The following MOXD1 variants were observed in gnomAD, a reference collection of about 807,000 sequenced individuals.
MOXD1 encodes the protein DBH-like monooxygenase protein 1.
Under a neutral mutation model 66.6 loss-of-function variants are expected in MOXD1, and 62 were observed. That is an observed-to-expected ratio of 0.93 (90% CI 0.76 to 1.15). MOXD1 has a LOEUF of 1.15. MOXD1 is among the 50% of genes most tolerant of loss of function. The probability of loss-of-function intolerance (pLI) is 0.00; values close to 1 mark genes in which losing one functional copy is unlikely to be tolerated. For synonymous variants in MOXD1, 303 were observed against 281.9 expected (o/e 1.07, Z -0.75); for missense variants, 847 against 754.6 (o/e 1.12, Z -1.44).
chr6:132,317,099 T>A (rs1003390455), intron 9 of MOXD1, among the ~76,000 whole-genome samples: 14 of 152,090 alleles, frequency 9.2e-5, no homozygotes, highest in Admixed American at 2.0e-4. Flanking sequence ...CATTTCATCA[T>A]AAATGATGGA....
At chr6:132,368,451 T>A (rs924825505) in intron 4 of MOXD1, among the ~76,000 whole-genome samples, 1 of 152,036 alleles carries the variant, frequency 6.6e-6, no homozygotes, top group Non-Finnish European at 1.5e-5. Context: ...TGTCATCTGA[T>A]AATACCCACA....
chr6:132,343,968 T>G (rs1279283771), intron 4 of MOXD1, among the ~76,000 whole-genome samples: 1 of 152,100 alleles, frequency 6.6e-6, no homozygotes, highest in Non-Finnish European at 1.5e-5. Flanking sequence ...CATATATACA[T>G]ATAAGATATA....
intron 10 of MOXD1, among the ~76,000 whole-genome samples, chr6:132,306,094 T>C (rs577210817): frequency 1.3e-5 from 2 of 152,180 alleles, no homozygotes; most frequent in South Asian, 4.1e-4. Context: ...TCTAACCCAA[T>C]GCAAAGAAGC....
intron 2 of MOXD1, among the ~76,000 whole-genome samples, chr6:132,374,176 A>G (rs1254341514): frequency 6.6e-6 from 1 of 152,226 alleles, no homozygotes; most frequent in African/African-American, 2.4e-5. Context: ...TTAATATACC[A>G]ATAGGCAATT....
chr6:132,397,636 CAGAA>C (rs71759740), intron 1 of MOXD1, among the ~76,000 whole-genome samples: 26,471 of 121,790 alleles, frequency 0.22, 2,593 homozygotes, highest in Middle Eastern at 0.25. Flanking sequence ...GAGAGAGAGA[CAGAA>C]AGAAAGAAAG....
At chr6:132,353,124 T>C (rs1775837148) in intron 4 of MOXD1, among the ~76,000 whole-genome samples, 1 of 152,248 alleles carries the variant, frequency 6.6e-6, no homozygotes, top group Admixed American at 6.5e-5. Flanking sequence ...GTGGAGCACT[T>C]AGGCGATTTA....
intron 10 of MOXD1, among the ~76,000 whole-genome samples, chr6:132,310,130 T>C (rs1005911817): frequency 6.6e-6 from 1 of 152,048 alleles, no homozygotes; most frequent in Non-Finnish European, 1.5e-5. Context: ...ATCCAGAACT[T>C]ACAAGGAACT....
intron 4 of MOXD1, among the ~76,000 whole-genome samples, chr6:132,350,913 AG>A (rs759411201): frequency 2.0e-5 from 3 of 151,960 alleles, no homozygotes; most frequent in Non-Finnish European, 4.4e-5. Flanking sequence ...CTATTGTAAA[AG>A]GGGTTGAATT....
At chr6:132,398,846 C>T (rs144944626) in intron 1 of MOXD1, among the ~76,000 whole-genome samples, 4,066 of 145,368 alleles carry the variant, frequency 0.028, 73 homozygotes, top group Middle Eastern at 0.054. Flanking sequence ...GGCTGAGGCA[C>T]GAGAATCACT....
intron 4 of MOXD1, among the ~76,000 whole-genome samples, chr6:132,351,352 G>C (rs367964272): frequency 1.1e-4 from 17 of 152,182 alleles, no homozygotes; most frequent in South Asian, 6.2e-4. Flanking sequence ...AATCGTAAAG[G>C]GATGCCAGAT....
intron 4 of MOXD1, among the ~76,000 whole-genome samples, chr6:132,342,546 G>T (rs1013497140): frequency 1.3e-5 from 2 of 152,232 alleles, no homozygotes; most frequent in African/African-American, 2.4e-5. Flanking sequence ...TGTTATTTGT[G>T]TATGAGTGTC....
chr6:132,393,883 CAGGACTG>C (rs1180664283), intron 1 of MOXD1, among the ~76,000 whole-genome samples: 2 of 152,244 alleles, frequency 1.3e-5, no homozygotes, highest in Admixed American at 6.5e-5. Flanking sequence ...GTGCCATCTG[CAGGACTG>C]AGGACCAGCT....
At position 132,296,502 on chromosome 6, in the gene MOXD1, AGTACTAAACAGGGAAG is replaced by A. The variant is rs1272216163; in HGVS notation, c.*635_*650del. The A allele has an allele frequency of 2.0e-5, 3 of 152,230 alleles. No homozygotes were observed. Among genetic ancestry groups the A allele is most frequent in the Non-Finnish European group, 4.4e-5 (3 of 68,072 alleles). The allele number at this position is 152,230 out of a possible 1,614,324, so 9.4% of individuals were successfully genotyped here. On this transcript the variant is annotated 3_prime_UTR_variant, in exon 12 of 12. Coordinates refer to ENST00000367963, the MANE Select transcript of MOXD1 (RefSeq NM_015529.4). ...AGCTCTAGAAAAAACTCATCTGGCCAGTACTAAACAGGGAAGGTGAAAAAAAGTACTTTAAGATGGG... is the reference window on the plus strand; with the variant it reads ...AGCTCTAGAAAAAACTCATCTGGCCAGTGAAAAAAAGTACTTTAAGATGGG...
chr6:132,370,476 T>A (rs1776243036), intron 4 of MOXD1, among the ~76,000 whole-genome samples: 1 of 152,060 alleles, frequency 6.6e-6, no homozygotes, highest in African/African-American at 2.4e-5. Context: ...TTTAGTTAAT[T>A]TTCAAGGAAA....
At chr6:132,399,627 A>T (rs1776975400) in intron 1 of MOXD1, among the ~76,000 whole-genome samples, 1 of 152,070 alleles carries the variant, frequency 6.6e-6, no homozygotes, top group South Asian at 2.1e-4. Flanking sequence ...TAGAAATGCT[A>T]CTCTTTGAGG....
chr6:132,308,577 C>T lies in MOXD1; in HGVS notation c.1508+7058G>A, dbSNP rs888949759. ...GAAGAGACACAACAAAAAAAGAAAA[C>T]TTCAGGCCAATATTCCTTATGAACA... On this transcript the variant is annotated intron_variant, in intron 10 of 11. Coordinates refer to ENST00000367963, the MANE Select transcript of MOXD1 (RefSeq NM_015529.4). 3.3e-5 allele frequency among the ~76,000 whole-genome samples: 5 copies of T among 152,074 alleles called. No individual in the cohort carries two copies. In the South Asian group the frequency reaches 1.0e-3, roughly 32 times the overall value.
At chr6:132,357,771 G>A (rs1300290755) in intron 4 of MOXD1, among the ~76,000 whole-genome samples, 1 of 151,830 alleles carries the variant, frequency 6.6e-6, no homozygotes, top group Non-Finnish European at 1.5e-5. Context: ...TGTATTTTTT[G>A]CTTTGAAATT....
intron 4 of MOXD1, among the ~76,000 whole-genome samples, chr6:132,359,244 C>A (rs1479474485): frequency 2.0e-5 from 3 of 151,864 alleles, no homozygotes; most frequent in Non-Finnish European, 2.9e-5. Flanking sequence ...TTCGGCCTCC[C>A]AACTAGCTGG....
chr6:132,319,350 AT>A (rs1464289131), intron 9 of MOXD1, among the ~76,000 whole-genome samples: 1 of 151,754 alleles, frequency 6.6e-6, no homozygotes, highest in Non-Finnish European at 1.5e-5. Context: ...GAATAGAAGT[AT>A]TTTCTTTATT....
Sources: gnomAD v4.1 joint callset for allele counts (sites outside exome capture counted in the v4.1 genomes callset) on GRCh38, gnomAD v4.1.1 for gene constraint, MANE v1.5 for transcripts, NCBI Gene and HGNC (gene_info 2026-07-23, HGNC 2026-07-21) for gene names.